Variants in DSTYK observed in about 807,000 individuals in gnomAD.
The protein encoded by DSTYK is dual serine/threonine and tyrosine protein kinase, also known as RIP-homologous kinase.
A neutral mutation model predicts 98.7 loss-of-function variants in DSTYK; 34 were observed. That is an observed-to-expected ratio of 0.34 (90% CI 0.26 to 0.46). The LOEUF (loss-of-function observed/expected upper bound fraction) is 0.46, where lower values mean the gene tolerates loss of function less well. Among genes scored for constraint, DSTYK ranks in the 20% least tolerant of loss-of-function variants. DSTYK has a pLI of 1.00. For synonymous variants in DSTYK, 462 were observed against 457.3 expected (o/e 1.01, Z -0.13); for missense variants, 962 against 1,181.7 (o/e 0.81, Z 2.73).
intron 2 of DSTYK, chr1:205,173,383 A>ACC (rs1658125062): frequency 7.5e-6 from 1 of 133,492 alleles, no homozygotes; most frequent in African/African-American, 2.7e-5. Context: ...ACAGAATGAG[A>ACC]CTGTCTCAAA....
chr1:205,194,967 G>A (rs1345949761), intron 1 of DSTYK, among the ~76,000 whole-genome samples: 1 of 151,992 alleles, frequency 6.6e-6, no homozygotes, highest in African/African-American at 2.4e-5. Flanking sequence ...CGAGTAGCAG[G>A]GACTACAGGC....
intron 3 of DSTYK, among the ~76,000 whole-genome samples, chr1:205,166,875 T>C (rs778233111): frequency 2.6e-5 from 4 of 152,220 alleles, no homozygotes; most frequent in Admixed American, 2.6e-4. Flanking sequence ...CACACACTCA[T>C]TGATTCTCCA....
chr1:205,201,215 T>C (rs563229951), intron 1 of DSTYK, among the ~76,000 whole-genome samples: 5 of 152,224 alleles, frequency 3.3e-5, no homozygotes, highest in African/African-American at 1.2e-4. Context: ...AGTTGTATAT[T>C]TTTAAATAAC....
At chr1:205,162,392 G>C (rs914059092) in intron 5 of DSTYK, among the ~76,000 whole-genome samples, 180 bp from the exon 6 acceptor site, 3 of 152,202 alleles carry the variant, frequency 2.0e-5, no homozygotes, top group African/African-American at 7.2e-5. Context: ...TCCTAGCCCA[G>C]AGAAAAGCAT....
At chr1:205,157,785 G>A (rs950020510) in intron 9 of DSTYK, among the ~76,000 whole-genome samples, 1 of 151,778 alleles carries the variant, frequency 6.6e-6, no homozygotes, top group Admixed American at 6.6e-5. Flanking sequence ...AAAGGTTGGG[G>A]GAGAAAAAGC....
At chr1:205,209,940 G>C (rs1659322756) in intron 1 of DSTYK, among the ~76,000 whole-genome samples, 1 of 151,770 alleles carries the variant, frequency 6.6e-6, no homozygotes, top group South Asian at 2.1e-4. Flanking sequence ...TTGCTCCGTC[G>C]CACAGGGTGG....
chr1:205,172,090 G>A (rs1658081660), intron 2 of DSTYK, among the ~76,000 whole-genome samples: 1 of 152,024 alleles, frequency 6.6e-6, no homozygotes, highest in South Asian at 2.1e-4. Flanking sequence ...CCGAGTAGCT[G>A]GGATTACAGG....
intron 1 of DSTYK, among the ~76,000 whole-genome samples, chr1:205,191,331 A>G (rs1342024158): frequency 2.0e-5 from 3 of 152,206 alleles, no homozygotes; most frequent in Non-Finnish European, 1.5e-5. Context: ...TTGAAAGCAG[A>G]TGGTTTTACT....
intron 6 of DSTYK, 132 bp downstream of exon 6, chr1:205,161,892 GTGTGTATATATA>G (rs1430628170): frequency 2.6e-5 from 17 of 657,498 alleles, no homozygotes; most frequent in East Asian, 9.0e-5. Flanking sequence ...ATATGTGTGT[GTGTGTATATATA>G]TGTGTATATA....
intron 1 of DSTYK, among the ~76,000 whole-genome samples, chr1:205,190,159 A>T (rs1658667957): frequency 6.6e-6 from 1 of 152,194 alleles, no homozygotes; most frequent in Non-Finnish European, 1.5e-5. Context: ...ACACTTACCA[A>T]GGGCTTAATG....
chr1:205,179,810 A>T (rs1658343861), intron 2 of DSTYK, among the ~76,000 whole-genome samples: 1 of 152,178 alleles, frequency 6.6e-6, no homozygotes, highest in South Asian at 2.1e-4. Context: ...TAGTCCTAAC[A>T]ACAGTTTCTG....
intron 9 of DSTYK, 68 bp from the exon 10 acceptor site, chr1:205,157,454 G>T (rs898820387): frequency 1.0e-5 from 13 of 1,288,760 alleles, no homozygotes; most frequent in Admixed American, 1.7e-5. Context: ...CTATACTAGG[G>T]CACATGAGGA....
chr1:205,168,037 C>A (rs569018044), intron 3 of DSTYK, among the ~76,000 whole-genome samples: 1 of 152,242 alleles, frequency 6.6e-6, no homozygotes, highest in Admixed American at 6.5e-5. Context: ...ACCCAGGAGG[C>A]GGAGGTTGCA....
chr1:205,197,819 C>A (rs962698189), intron 1 of DSTYK, among the ~76,000 whole-genome samples: 1 of 152,182 alleles, frequency 6.6e-6, no homozygotes, highest in African/African-American at 2.4e-5. Context: ...ATCCACAAGT[C>A]TAAGCAGTAT....
intron 10 of DSTYK, among the ~76,000 whole-genome samples, chr1:205,155,963 C>A (rs888197760): frequency 6.6e-6 from 1 of 152,226 alleles, no homozygotes; most frequent in Non-Finnish European, 1.5e-5. Context: ...CTAAAAGGGG[C>A]CACCACATAG....
Position 205,142,526 on chromosome 1 carries a change from T to G in DSTYK, c.*5032A>C, listed in dbSNP as rs1245577731. 1 of 152,236 alleles carries G rather than the reference T, an allele frequency of 6.6e-6. No homozygotes were observed. Among genetic ancestry groups the G allele is most frequent in the Non-Finnish European group, 1.5e-5 (1 of 68,046 alleles). 9.4% of individuals were successfully genotyped at this position (152,236 alleles called of 1,614,324 possible). Reference sequence around the variant, plus strand: ...CCTAAAACGTTAATGTGATCTTTATTATACAGCACATCTGGTATTTGTGTA... The same window carrying G: ...CCTAAAACGTTAATGTGATCTTTATGATACAGCACATCTGGTATTTGTGTA... On this transcript the variant is annotated 3_prime_UTR_variant, in exon 13 of 13. Transcript: ENST00000367162.
At chr1:205,162,344 C>A in intron 5 of DSTYK, 132 bp from the exon 6 acceptor site, 1 of 1,087,844 alleles carries the variant, frequency 9.2e-7, no homozygotes, top group Non-Finnish European at 1.3e-6. Context: ...ATACGAAGTC[C>A]AAAGTTCCTT....
At position 205,187,780 on chromosome 1, in the gene DSTYK, G is replaced by C. The variant is rs755305796; in HGVS notation, c.292C>G (p.Pro98Ala). Residue 98 changes from proline to alanine, a missense_variant, in exon 2 of 13, where the codon CCT becomes GCT. This residue lies in a region of DSTYK where 660 missense variants were observed against 855.0 expected (regional missense o/e 0.77). Coordinates refer to ENST00000367162, the MANE Select transcript of DSTYK (RefSeq NM_015375.3). The stretch of plus-strand genomic sequence containing the variant: ...TGCTGGAGGTACTTCTCTTCCTTAG[G>C]TGGGAAGGAAATGCAGCTCAGTTGG... ...AGQLSCISFP[P>A]KEEKYLQQIV... 8.7e-6 allele frequency: 14 copies of C among 1,613,428 alleles called. No homozygotes were observed. In the East Asian group the frequency reaches 2.7e-4, roughly 31 times the overall value.
chr1:205,184,650 C>T (rs181139175), intron 2 of DSTYK, among the ~76,000 whole-genome samples: 6 of 152,242 alleles, frequency 3.9e-5, no homozygotes, highest in Admixed American at 3.3e-4. Context: ...GACAGGGTCT[C>T]ATTCTATTGC....
Sources: gnomAD v4.1 joint callset for allele counts (sites outside exome capture counted in the v4.1 genomes callset) on GRCh38, gnomAD v4.1.1 for gene constraint, gnomAD v4.1.1 regional missense constraint, MANE v1.5 for transcripts, NCBI Gene and HGNC (gene_info 2026-07-23, HGNC 2026-07-21) for gene names.